OTUD7A: variants seen among roughly 807,000 people sequenced by gnomAD.
OTUD7A encodes OTU domain-containing protein 7A.
In OTUD7A, 12 loss-of-function variants were observed where a neutral mutation model predicts 65.7. That is an observed-to-expected ratio of 0.18 (90% CI 0.12 to 0.30). The LOEUF is 0.30. OTUD7A is among the 10% of genes least tolerant of loss of function. The probability of loss-of-function intolerance (pLI) is 1.00; values close to 1 mark genes in which losing one functional copy is unlikely to be tolerated. For synonymous variants in OTUD7A, 641 were observed against 586.3 expected, an observed-to-expected ratio of 1.09 and a Z score of -1.35; for missense variants, 1,148 against 1,304.8, an observed-to-expected ratio of 0.88 and a Z score of 1.85.
At chr15:31,796,924 T>G (rs536984318) in intron 1 of OTUD7A, among the ~76,000 whole-genome samples, 3 of 152,246 alleles carry the variant, frequency 2.0e-5, no homozygotes, top group South Asian at 2.1e-4. Flanking sequence ...AGTAGAGACA[T>G]GGTTTCACCA....
rs143147369 is a variant in OTUD7A at position 31,847,154 on chromosome 15, G to A, written c.-100+23353C>T. 6.0e-3 allele frequency among the ~76,000 whole-genome samples: 916 copies of A among 152,348 alleles called. 16 individuals carry two copies. Among genetic ancestry groups the A allele is most frequent in the Non-Finnish European group, 7.0e-3 (475 of 68,026 alleles). The stretch of plus-strand genomic sequence containing the variant: ...CAGTATGTCAGGGCACACAGAGGGC[G>A]TGATGGGGCTGCAGTGGACCCTTTC... On this transcript the variant is annotated intron_variant, in intron 1 of 12. Coordinates refer to ENST00000307050, the MANE Select transcript of OTUD7A (RefSeq NM_001382637.1).
At chr15:31,822,286 A>T (rs1896701688) in intron 1 of OTUD7A, among the ~76,000 whole-genome samples, 1 of 152,192 alleles carries the variant, frequency 6.6e-6, no homozygotes, top group Non-Finnish European at 1.5e-5. Context: ...AGACACAGGC[A>T]TGGGCTTCCC....
chr15:31,667,458 T>C (rs111891028), intron 1 of OTUD7A, among the ~76,000 whole-genome samples: 4,801 of 152,296 alleles, frequency 0.032, 248 homozygotes, highest in African/African-American at 0.11. Flanking sequence ...GCTGCTTGCT[T>C]TTGGTGTCCA....
At chr15:31,722,087 G>A (rs985656695) in intron 1 of OTUD7A, among the ~76,000 whole-genome samples, 9 of 152,226 alleles carry the variant, frequency 5.9e-5, no homozygotes, top group Non-Finnish European at 1.2e-4. Context: ...CACACAGTCT[G>A]TGGCACAGTC....
In OTUD7A at chr15:31,511,087, A is replaced by G. The variant is rs562133247; in HGVS notation, c.894-7269T>C. On this transcript the variant is annotated intron_variant, in intron 8 of 12. Transcript: ENST00000307050. Reference sequence around the variant, plus strand: ...TACATATATATGTATATCTATATGTAACATACATATGTATATCTATATGTA... The same window carrying G: ...TACATATATATGTATATCTATATGTGACATACATATGTATATCTATATGTA... Among the ~76,000 whole-genome samples, 176 of 41,616 alleles carry G rather than the reference A, an allele frequency of 4.2e-3. 48 individuals carry two copies. The highest frequency in any genetic ancestry group is 6.3e-3 in the Non-Finnish European group (154 of 24,390). The allele number at this position is 41,616 out of a possible 152,430, so 27.3% of individuals were successfully genotyped here.
chr15:31,549,123 G>A (rs1389115873), intron 5 of OTUD7A, among the ~76,000 whole-genome samples: 41 of 144,440 alleles, frequency 2.8e-4, no homozygotes, highest in Non-Finnish European at 1.2e-4. Flanking sequence ...GAGACAGAGC[G>A]AGGCCTTGTC....
intron 1 of OTUD7A, among the ~76,000 whole-genome samples, chr15:31,835,965 C>G (rs955910961): frequency 2.6e-5 from 4 of 151,666 alleles, no homozygotes; most frequent in Admixed American, 2.6e-4. Context: ...CAAAATACCC[C>G]CAATGAGCAT....
At chr15:31,499,426 T>C (rs2041431782) in intron 10 of OTUD7A, among the ~76,000 whole-genome samples, 1 of 152,218 alleles carries the variant, frequency 6.6e-6, no homozygotes, top group African/African-American at 2.4e-5. Context: ...GTCCTGCGAC[T>C]TTGCGGTCTG....
intron 10 of OTUD7A, among the ~76,000 whole-genome samples, chr15:31,497,851 G>C (rs1428971013): frequency 6.6e-6 from 1 of 152,182 alleles, no homozygotes; most frequent in African/African-American, 2.4e-5. Flanking sequence ...CCTCTGTAAA[G>C]TGGGGAAGAG....
intron 1 of OTUD7A, among the ~76,000 whole-genome samples, chr15:31,673,656 TA>T (rs904048136): frequency 1.1e-4 from 16 of 152,130 alleles, no homozygotes; most frequent in African/African-American, 3.4e-4. Context: ...GACAAGGGTT[TA>T]AAAAAAATCC....
At chr15:31,571,699 T>C (rs1889059460) in intron 3 of OTUD7A, among the ~76,000 whole-genome samples, 1 of 152,210 alleles carries the variant, frequency 6.6e-6, no homozygotes, top group South Asian at 2.1e-4. Context: ...TCATTAATTA[T>C]AGGTTTCTGT....
At chr15:31,625,957 T>C (rs975004520) in intron 3 of OTUD7A, among the ~76,000 whole-genome samples, 27 of 149,180 alleles carry the variant, frequency 1.8e-4, no homozygotes, top group African/African-American at 6.4e-4. Context: ...TACGAGGTTA[T>C]GGAACAAGCA....
intron 1 of OTUD7A, among the ~76,000 whole-genome samples, chr15:31,781,295 G>A (rs1204579304): frequency 6.6e-6 from 1 of 152,170 alleles, no homozygotes; most frequent in Non-Finnish European, 1.5e-5. Flanking sequence ...GCTGTGAGGA[G>A]GCCAAGCCAC....
In OTUD7A at chr15:31,655,254, C is replaced by T; in HGVS notation, c.-4-4G>A. 1 of 1,294,974 alleles carries T rather than the reference C, an allele frequency of 7.7e-7. No homozygotes were observed. The highest frequency in any genetic ancestry group is 1.5e-5 in the African/African-American group (1 of 65,166). 80.2% of individuals were successfully genotyped at this position (1,294,974 alleles called of 1,614,324 possible). ...AAGCACACTAGAAACCATCCATCTG[C>T]AGGAAAGAAGAGAAAGGGCATTTTA... On this transcript the variant is annotated splice_region_variant and splice_polypyrimidine_tract_variant and intron_variant, in intron 2 of 12. Transcript: ENST00000307050.
At chr15:31,722,531 G>C (rs1160408824) in intron 1 of OTUD7A, among the ~76,000 whole-genome samples, 1 of 152,264 alleles carries the variant, frequency 6.6e-6, no homozygotes, top group African/African-American at 2.4e-5. Flanking sequence ...GTGGCATGGA[G>C]TGACAGTTTG....
At chr15:31,767,242 A>G in intron 1 of OTUD7A, 1 of 917,504 alleles carries the variant, frequency 1.1e-6, no homozygotes, top group Non-Finnish European at 1.8e-6. Flanking sequence ...ATCCCACTGG[A>G]TCTATCTGAA....
At chr15:31,738,879 T>C (rs1894263529) in intron 1 of OTUD7A, among the ~76,000 whole-genome samples, 1 of 152,360 alleles carries the variant, frequency 6.6e-6, no homozygotes, top group South Asian at 2.1e-4. Flanking sequence ...TTTACACCTA[T>C]TAAGTATCCT....
intron 5 of OTUD7A, among the ~76,000 whole-genome samples, chr15:31,536,042 C>T (rs560034333): frequency 2.0e-5 from 3 of 152,232 alleles, no homozygotes; most frequent in Admixed American, 6.5e-5. Flanking sequence ...CAGGAAGCTT[C>T]AGGAGGATGT....
intron 8 of OTUD7A, among the ~76,000 whole-genome samples, chr15:31,513,372 C>T (rs2041789611): frequency 6.6e-6 from 1 of 152,276 alleles, no homozygotes; most frequent in South Asian, 2.1e-4. Context: ...ACACGGCTAC[C>T]GACATCAGGA....
Sources: gnomAD v4.1 joint callset for allele counts (sites outside exome capture counted in the v4.1 genomes callset) on GRCh38, gnomAD v4.1.1 for gene constraint, MANE v1.5 for transcripts, NCBI Gene and HGNC (gene_info 2026-07-23, HGNC 2026-07-21) for gene names.